The following TNFAIP8 variants were observed in gnomAD, a reference collection of about 807,000 sequenced individuals.
TNFAIP8 encodes tumor necrosis factor alpha-induced protein 8.
A neutral mutation model predicts 13.3 loss-of-function variants in TNFAIP8; 7 were observed. That is an observed-to-expected ratio of 0.52 (90% confidence interval 0.30 to 0.99). TNFAIP8 has a LOEUF of 0.99. TNFAIP8 is among the 50% of genes least tolerant of loss of function. The probability of loss-of-function intolerance (pLI) is 0.07; values close to 1 mark genes in which losing one functional copy is unlikely to be tolerated. For missense variants in TNFAIP8, 258 were observed against 236.9 expected, an observed-to-expected ratio of 1.09 and a Z score of -0.58; for synonymous variants, 94 against 87.6, an observed-to-expected ratio of 1.07 and a Z score of -0.41.
At chr5:119,359,672 A>G (rs1022770001) in intron 1 of TNFAIP8, among the ~76,000 whole-genome samples, 1 of 152,224 alleles carries the variant, frequency 6.6e-6, no homozygotes, top group East Asian at 1.9e-4. Context: ...TTAACCTCAC[A>G]TGGTGTGGCA....
At chr5:119,339,083 G>A (rs1221155101) in intron 1 of TNFAIP8, among the ~76,000 whole-genome samples, 1 of 152,094 alleles carries the variant, frequency 6.6e-6, no homozygotes, top group Non-Finnish European at 1.5e-5. Context: ...TCTGCCTTCT[G>A]TGATTGAGCT....
chr5:119,329,314 A>G (rs766202226), intron 1 of TNFAIP8, among the ~76,000 whole-genome samples: 20 of 152,218 alleles, frequency 1.3e-4, no homozygotes, highest in Non-Finnish European at 2.6e-4. Flanking sequence ...CAAGTACTAC[A>G]TGATAAAAAG....
intron 1 of TNFAIP8, among the ~76,000 whole-genome samples, chr5:119,276,534 A>G (rs1748455299): frequency 6.6e-6 from 1 of 152,174 alleles, no homozygotes; most frequent in Non-Finnish European, 1.5e-5. Flanking sequence ...AAACAACAGA[A>G]ATTTATATTC....
chr5:119,373,238 G>A (rs55682871), intron 1 of TNFAIP8, among the ~76,000 whole-genome samples: 14,483 of 152,164 alleles, frequency 0.095, 959 homozygotes, highest in African/African-American at 0.2. Context: ...GCTCTTGTTA[G>A]TACACCAAGA....
At position 119,393,018 on chromosome 5, in the gene TNFAIP8, A is replaced by T; in HGVS notation, c.234A>T (p.Thr78=). 1 of 1,613,452 alleles carries T rather than the reference A, an allele frequency of 6.2e-7. No individual in the cohort carries two copies. Among genetic ancestry groups the T allele is most frequent in the Non-Finnish European group, 8.5e-7 (1 of 1,179,640 alleles). The change falls in exon 2 of 2, where the codon ACA becomes ACT. Residue 78 remains threonine (T), a synonymous_variant. Coordinates refer to ENST00000504771, the MANE Select transcript of TNFAIP8 (RefSeq NM_014350.4). ...AGATCATCAAGAACCTCATCAAGAC[A>T]GTCATCAAGCTGGCCATTCTTTATA... ...AEKIIKNLIK[T]VIKLAILYRN... is the part of the protein sequence containing the mutation.
chr5:119,331,108 G>GGGA (rs1750363169), intron 1 of TNFAIP8, among the ~76,000 whole-genome samples: 4 of 152,186 alleles, frequency 2.6e-5, no homozygotes, highest in Admixed American at 2.6e-4. Flanking sequence ...TGAAGCATGG[G>GGGA]TGATGCATCC....
At chr5:119,378,454 T>C (rs934992481) in intron 1 of TNFAIP8, among the ~76,000 whole-genome samples, 7 of 152,190 alleles carry the variant, frequency 4.6e-5, no homozygotes, top group Admixed American at 4.6e-4. Flanking sequence ...TTAACATGGC[T>C]ATGAAATGCC....
At chr5:119,347,456 C>T (rs1052390205) in intron 1 of TNFAIP8, among the ~76,000 whole-genome samples, 2 of 152,162 alleles carry the variant, frequency 1.3e-5, no homozygotes, top group Non-Finnish European at 2.9e-5. Context: ...AATTTTAGAT[C>T]TCCTGTTTGT....
chr5:119,329,456 A>G (rs907880721), intron 1 of TNFAIP8, among the ~76,000 whole-genome samples: 2 of 152,152 alleles, frequency 1.3e-5, no homozygotes, highest in African/African-American at 4.8e-5. Flanking sequence ...CACACTGCTT[A>G]ACTCACTACT....
At chr5:119,322,563 C>T (rs1269632977) in intron 1 of TNFAIP8, among the ~76,000 whole-genome samples, 1 of 152,222 alleles carries the variant, frequency 6.6e-6, no homozygotes, top group Non-Finnish European at 1.5e-5. Flanking sequence ...CACTTCTCTT[C>T]CTGACCATTC....
intron 1 of TNFAIP8, among the ~76,000 whole-genome samples, chr5:119,366,526 T>A (rs1751863579): frequency 6.6e-6 from 1 of 152,174 alleles, no homozygotes; most frequent in African/African-American, 2.4e-5. Context: ...AAAAATGATT[T>A]CCTCAAAAAA....
chr5:119,364,841 G>GTTTTTT (rs10714712), intron 1 of TNFAIP8, among the ~76,000 whole-genome samples: 8 of 88,696 alleles, frequency 9.0e-5, no homozygotes, highest in African/African-American at 2.3e-4. Context: ...TTTCTTTTCA[G>GTTTTTT]TTTTTTTTTT....
At chr5:119,351,183 C>T (rs950303040), upstream of TNFAIP8, among the ~76,000 whole-genome samples, 23 of 152,068 alleles carry the variant, frequency 1.5e-4, no homozygotes, top group Middle Eastern at 3.4e-3. Flanking sequence ...CCACCATACT[C>T]GGTTAACCTT....
chr5:119,307,860 A>G (rs1179257786), intron 1 of TNFAIP8, among the ~76,000 whole-genome samples: 1 of 152,228 alleles, frequency 6.6e-6, no homozygotes, highest in Non-Finnish European at 1.5e-5. Flanking sequence ...CCATTGGAGC[A>G]ATCTTGGAAA....
At chr5:119,328,851 G>T (rs915992859) in intron 1 of TNFAIP8, among the ~76,000 whole-genome samples, 3 of 152,222 alleles carry the variant, frequency 2.0e-5, no homozygotes, top group African/African-American at 7.2e-5. Context: ...TTTACATGAG[G>T]TTTTGCAATG....
At position 119,358,749 on chromosome 5, in the gene TNFAIP8, G is replaced by A. The variant is rs1208229857; in HGVS notation, c.31+2628G>A. 2.6e-5 allele frequency among the ~76,000 whole-genome samples: 4 copies of A among 152,328 alleles called. No homozygotes were observed. The East Asian group carries it at 5.8e-4, about 22-fold the overall frequency. The stretch of plus-strand genomic sequence containing the variant: ...TGCTTAATTATGAAGTAGTTAAAGT[G>A]AGTGGCAGTTGAGATCTCTGAGAAT... On this transcript the variant is annotated intron_variant, in intron 1 of 1. Transcript: ENST00000504771.
intron 1 of TNFAIP8, among the ~76,000 whole-genome samples, chr5:119,374,684 A>G (rs193167551): frequency 5.9e-5 from 9 of 152,314 alleles, no homozygotes; most frequent in Admixed American, 3.3e-4. Context: ...GATCATTTCA[A>G]TGCGGGGTAG....
chr5:119,363,706 C>T (rs934595357), intron 1 of TNFAIP8, among the ~76,000 whole-genome samples: 7 of 152,186 alleles, frequency 4.6e-5, no homozygotes, highest in African/African-American at 1.7e-4. Context: ...CAAATTTCAG[C>T]GGACGTTGAC....
In TNFAIP8 at chr5:119,391,259, C is replaced by G. The variant is rs1273932896; in HGVS notation, c.32-1557C>G. 10 of 619,440 alleles carry G rather than the reference C, an allele frequency of 1.6e-5. No homozygotes were observed. The East Asian group carries it at 2.0e-4, about 12-fold the overall frequency. 38.4% of individuals were successfully genotyped at this position (619,440 alleles called of 1,614,324 possible). ...TCCTAATGATGCTAGCCTATCCAAA[C>G]TAGAAATAATCTTATATAATCATTG... On this transcript the variant is annotated intron_variant, in intron 1 of 1. Transcript: ENST00000504771.
Sources: allele counts gnomAD v4.1 joint callset (sites outside exome capture counted in the v4.1 genomes callset), GRCh38; gene constraint gnomAD v4.1.1; transcripts MANE v1.5; gene names NCBI Gene and HGNC (gene_info 2026-07-23, HGNC 2026-07-21).